Variants in CANT1 observed in about 807,000 individuals in gnomAD.
The protein encoded by CANT1 is calcium activated nucleotidase 1.
In CANT1, 26 loss-of-function variants were observed where a neutral mutation model predicts 30.0. The observed-to-expected ratio is 0.87, with a 90% CI of 0.64 to 1.20. The LOEUF is 1.20. CANT1 is among the 50% of genes most tolerant of loss of function. The pLI is 0.00. For synonymous variants in CANT1, 246 were observed against 251.8 expected (o/e 0.98, Z 0.22); for missense variants, 518 against 563.0 (o/e 0.92, Z 0.81).
intron 1 of CANT1, among the ~76,000 whole-genome samples, chr17:79,001,193 C>A (rs996722624): frequency 6.6e-6 from 1 of 152,156 alleles, no homozygotes; most frequent in African/African-American, 2.4e-5. Flanking sequence ...TCGTCACCAG[C>A]CCCTGGAACC....
At position 79,008,752 on chromosome 17, in the gene CANT1, C is replaced by A. The variant is rs1361670696; in HGVS notation, c.-147+912G>T. Among the ~76,000 whole-genome samples, 2 of 152,082 alleles carry A rather than the reference C, an allele frequency of 1.3e-5. No homozygotes were observed. The highest frequency in any genetic ancestry group is 4.8e-5 in the African/African-American group (2 of 41,400). The stretch of plus-strand genomic sequence containing the variant: ...AAAGGCACCAGGCAACATGGACTGG[C>A]AAGGAGGTACCAGTCTCCAAGGATG... On this transcript the variant is annotated intron_variant, in intron 1 of 4. Transcript: ENST00000392446. The surrounding 1 kb of genome is among the most constrained non-coding windows in gnomAD (Gnocchi z 4.4).
In CANT1 at chr17:78,992,894, A is replaced by C. The variant is rs2070887107; in HGVS notation, c.*656T>G. 1 of 357,046 alleles carries C rather than the reference A, an allele frequency of 2.8e-6. No individual in the cohort carries two copies. Among genetic ancestry groups the C allele is most frequent in the Non-Finnish European group, 5.4e-6 (1 of 185,102 alleles). The allele number at this position is 357,046 out of a possible 1,614,324, so 22.1% of individuals were successfully genotyped here. A position where few individuals can be genotyped will look rare whatever the true frequency, so the allele number is the denominator to read the frequency against. ...ACTTCAAAGTACTGCACAGCCACAG[A>C]ATTTTCTTGAAGGGAGAAAGCGGTC... On this transcript the variant is annotated 3_prime_UTR_variant, in exon 5 of 5. Coordinates refer to ENST00000392446, the MANE Select transcript of CANT1 (RefSeq NM_001159773.2).
In CANT1 at chr17:78,993,586, G is replaced by C. The variant is rs1215617514; in HGVS notation, c.1170C>G (p.Ile390Met). ...CGATGCCTTCGTATTTCACGCTTCCGATCTTGGTCTCCGGCAACAGGAAGC... is the reference window on the plus strand; with the variant it reads ...CGATGCCTTCGTATTTCACGCTTCCCATCTTGGTCTCCGGCAACAGGAAGC... ...DGRFLLPETK[I>M]GSVKYEGIEF... The change falls in exon 5 of 5, where the codon ATC (isoleucine) becomes ATG (methionine). Residue 390 changes from isoleucine to methionine, a missense_variant. Physicochemically the swap from Ile to Met is conservative, Grantham distance 10. This residue lies in a region of CANT1 where 221 missense variants were observed against 211.8 expected (regional missense o/e 1.04). Coordinates refer to ENST00000392446, the MANE Select transcript of CANT1 (RefSeq NM_001159773.2). This position sits in a 1 kb window ranked among gnomAD's most constrained non-coding sequence, Gnocchi z 4.5. 8 of 1,614,110 alleles carry C rather than the reference G, an allele frequency of 5.0e-6. No homozygotes were observed. In the Admixed American group the frequency reaches 1.3e-4, roughly 27 times the overall value.
intron 1 of CANT1, among the ~76,000 whole-genome samples, chr17:79,003,608 C>T (rs1471150534): frequency 1.3e-5 from 2 of 152,150 alleles, no homozygotes; most frequent in East Asian, 1.9e-4. Context: ...TAAATGCTCG[C>T]TTTATTGTGA....
intron 1 of CANT1, among the ~76,000 whole-genome samples, chr17:79,009,417 A>G (rs1179918424): frequency 6.6e-6 from 1 of 152,242 alleles, no homozygotes; most frequent in Non-Finnish European, 1.5e-5. Flanking sequence ...GAGGTGTCCC[A>G]AAAGTCAGAG....
intron 1 of CANT1, among the ~76,000 whole-genome samples, chr17:79,006,814 C>A (rs778997094): frequency 1.3e-5 from 2 of 152,208 alleles, no homozygotes; most frequent in Non-Finnish European, 2.9e-5. Flanking sequence ...CCTTCCACAC[C>A]GCGGTGGCAC....
At chr17:78,994,264 G>C (rs76911647) in intron 4 of CANT1, among the ~76,000 whole-genome samples, 4,765 of 152,268 alleles carry the variant, frequency 0.031, 161 homozygotes, top group East Asian at 0.17. Context: ...GGGAGGCATC[G>C]GCGGGGAGGC....
In CANT1 at chr17:79,002,226, C is replaced by T. The variant is rs1376997689; in HGVS notation, c.-146-4263G>A. On this transcript the variant is annotated intron_variant, in intron 1 of 4. Transcript: ENST00000392446. The surrounding 1 kb of genome is among the most constrained non-coding windows in gnomAD (Gnocchi z 4.0). Reference sequence around the variant, plus strand: ...AAGACAATTCTTCTTCCAATGTGGCCCAGGGAAGCCAAAAGATTGGACACC... The same window carrying T: ...AAGACAATTCTTCTTCCAATGTGGCTCAGGGAAGCCAAAAGATTGGACACC... 1.3e-5 allele frequency among the ~76,000 whole-genome samples: 2 copies of T among 152,112 alleles called. No homozygotes were observed. Among genetic ancestry groups the T allele is most frequent in the Admixed American group, 1.3e-4 (2 of 15,274 alleles).
intron 1 of CANT1, among the ~76,000 whole-genome samples, chr17:79,001,335 C>T (rs12936828): frequency 0.062 from 9,444 of 152,176 alleles, 388 homozygotes; most frequent in Middle Eastern, 0.078. Context: ...AGCCGAGGCC[C>T]CTGGGTGGGG....
chr17:79,003,191 G>A (rs1304741146), intron 1 of CANT1, among the ~76,000 whole-genome samples: 7 of 152,228 alleles, frequency 4.6e-5, no homozygotes, highest in Non-Finnish European at 1.0e-4. Context: ...ACAAGGGACT[G>A]CTTCTAGTGA....
rs1210582551 is a variant in CANT1, at chr17:79,008,937, T to C, written c.-147+727A>G. Reference sequence around the variant, plus strand: ...AAGGACTGGGATGGGGTGGGGAAGGTTGGCCTGTTACAGGTTTGACCAAGT... The same window carrying C: ...AAGGACTGGGATGGGGTGGGGAAGGCTGGCCTGTTACAGGTTTGACCAAGT... On this transcript the variant is annotated intron_variant, in intron 1 of 4. Transcript: ENST00000392446. This position sits in a 1 kb window ranked among gnomAD's most constrained non-coding sequence, Gnocchi z 4.4. Among the ~76,000 whole-genome samples the C allele has an allele frequency of 1.3e-5, 2 of 152,104 alleles. No individual in the cohort carries two copies. The highest frequency in any genetic ancestry group is 3.8e-4 in the East Asian group (2 of 5,198).
At position 78,998,481 on chromosome 17, in the gene CANT1, G is replaced by A. The variant is rs1006321523; in HGVS notation, c.-146-518C>T. On this transcript the variant is annotated intron_variant, in intron 1 of 4. Coordinates refer to ENST00000392446, the MANE Select transcript of CANT1 (RefSeq NM_001159773.2). The surrounding 1 kb of genome is among the most constrained non-coding windows in gnomAD (Gnocchi z 4.5). ...GTGCCTTGGCGCCAAAGAACTGCTC[G>A]GCTCACTGCGGGGCCTGGCTCGGCC... Among the ~76,000 whole-genome samples, 3 of 152,234 alleles carry A rather than the reference G, an allele frequency of 2.0e-5. No individual in the cohort carries two copies. The highest frequency in any genetic ancestry group is 7.2e-5 in the African/African-American group (3 of 41,454).
chr17:79,007,443 C>G (rs750864894), intron 1 of CANT1, among the ~76,000 whole-genome samples: 6 of 152,162 alleles, frequency 3.9e-5, no homozygotes, highest in African/African-American at 7.2e-5. Flanking sequence ...ATTTCAGGAC[C>G]TGGACAATAG....
At chr17:79,003,396 G>T (rs2145849891) in intron 1 of CANT1, among the ~76,000 whole-genome samples, 1 of 144,654 alleles carries the variant, frequency 6.9e-6, no homozygotes, top group Admixed American at 7.3e-5. Context: ...GGCTGCCGGC[G>T]CCTGCTGCAG....
chr17:79,007,761 C>T (rs1015475715), intron 1 of CANT1, among the ~76,000 whole-genome samples: 19 of 152,288 alleles, frequency 1.2e-4, no homozygotes, highest in African/African-American at 3.9e-4. Context: ...GTACCAAGAG[C>T]TTTTACACCA....
In CANT1 at chr17:78,992,468, C is replaced by T; in HGVS notation, c.*1082G>A. ...GAGTACACTCCAGCGAAGCCGAGGC[C>T]CAGCCAACGCTCGTGAAGTTTCCAC... On this transcript the variant is annotated 3_prime_UTR_variant, in exon 5 of 5. Coordinates refer to ENST00000392446, the MANE Select transcript of CANT1 (RefSeq NM_001159773.2). 2.7e-6 allele frequency: 1 copy of T among 366,524 alleles called. No homozygotes were observed. 22.7% of individuals were successfully genotyped at this position (366,524 alleles called of 1,614,324 possible). A position where few individuals can be genotyped will look rare whatever the true frequency, so the allele number is the denominator to read the frequency against.
Position 78,995,324 on chromosome 17 carries a change from C to T in CANT1, c.632-103G>A. 1 of 1,262,782 alleles carries T rather than the reference C, an allele frequency of 7.9e-7. No homozygotes were observed. Among genetic ancestry groups the T allele is most frequent in the Non-Finnish European group, 1.1e-6 (1 of 898,718 alleles). The allele number at this position is 1,262,782 out of a possible 1,614,324, so 78.2% of individuals were successfully genotyped here. A position where few individuals can be genotyped will look rare whatever the true frequency, so the allele number is the denominator to read the frequency against. On this transcript the variant is annotated intron_variant, in intron 3 of 4. Coordinates refer to ENST00000392446, the MANE Select transcript of CANT1 (RefSeq NM_001159773.2). This position sits in a 1 kb window ranked among gnomAD's most constrained non-coding sequence, Gnocchi z 5.7. ...ACCTGTCCTTAGACCCCGCACCTGA[C>T]TCCCGCCCGGCTCCACACCTGCCTC...
In CANT1 at chr17:79,002,947, C is replaced by T. The variant is rs914287015; in HGVS notation, c.-146-4984G>A. ...TACACCGTGGCACACGCTCCCCACC[C>T]GGGAGGCTCATGTCCTCTGACCACA... On this transcript the variant is annotated intron_variant, in intron 1 of 4. Transcript: ENST00000392446. The surrounding 1 kb of genome is among the most constrained non-coding windows in gnomAD (Gnocchi z 4.0). Among the ~76,000 whole-genome samples, 8 of 152,194 alleles carry T rather than the reference C, an allele frequency of 5.3e-5. No homozygotes were observed. Among genetic ancestry groups the T allele is most frequent in the Admixed American group, 3.9e-4 (6 of 15,284 alleles).
chr17:79,000,256 G>T (rs112619270), intron 1 of CANT1: 1 of 152,192 alleles, frequency 6.6e-6, no homozygotes, highest in Non-Finnish European at 1.5e-5. Context: ...TCAGGATCCT[G>T]GGAGATGTGC....
Sources: gnomAD v4.1 joint callset for allele counts (sites outside exome capture counted in the v4.1 genomes callset) on GRCh38, gnomAD v4.1.1 for gene constraint, gnomAD v4.1.1 regional missense constraint, Gnocchi (gnomAD v3.1) non-coding constraint, MANE v1.5 for transcripts, NCBI Gene and HGNC (gene_info 2026-07-23, HGNC 2026-07-21) for gene names.